HSD17B12: variants seen among roughly 807,000 people sequenced by gnomAD.
The protein encoded by HSD17B12 is hydroxysteroid 17-beta dehydrogenase 12.
A neutral mutation model predicts 39.3 loss-of-function variants in HSD17B12; 32 were observed. That is an observed-to-expected ratio of 0.81 (90% confidence interval 0.61 to 1.09). The LOEUF (loss-of-function observed/expected upper bound fraction) is 1.09, where lower values mean the gene tolerates loss of function less well. Ranked by LOEUF, HSD17B12 falls within the 50% of genes least tolerant of loss-of-function variation. The pLI is 0.00. For missense variants in HSD17B12, 342 were observed against 382.9 expected (o/e 0.89, Z 0.89); for synonymous variants, 150 against 146.7 (o/e 1.02, Z -0.16).
intron 9 of HSD17B12, among the ~76,000 whole-genome samples, chr11:43,849,334 T>G (rs1951509619): frequency 6.6e-6 from 1 of 151,964 alleles, no homozygotes; most frequent in African/African-American, 2.4e-5. Context: ...AAAAATCCAG[T>G]TACTTCACTG....
chr11:43,733,651 C>A, intron 1 of HSD17B12: 2 of 422,116 alleles, frequency 4.7e-6, no homozygotes, highest in Non-Finnish European at 9.0e-6. Flanking sequence ...CTGATCTAGC[C>A]CTTGGTAAAA....
At chr11:43,658,365 ATCT>A in the HSD17B12 span, among the ~76,000 whole-genome samples, 24 of 151,936 alleles carry the variant, frequency 1.6e-4, no homozygotes, top group Middle Eastern at 0.014. Flanking sequence ...GAGTAGTTCG[ATCT>A]TCTGAAGCCT....
At chr11:43,697,295 C>G (rs1170760085) in intron 1 of HSD17B12, among the ~76,000 whole-genome samples, 1 of 152,090 alleles carries the variant, frequency 6.6e-6, no homozygotes, top group African/African-American at 2.4e-5. Flanking sequence ...GGGCACTAAC[C>G]TGGTTCAGGG....
chr11:43,562,210 A>T, the HSD17B12 span, among the ~76,000 whole-genome samples: 1 of 152,250 alleles, frequency 6.6e-6, no homozygotes, highest in African/African-American at 2.4e-5. Flanking sequence ...ACAAAGGCAG[A>T]TATTAAAAAT....
At chr11:43,776,783 T>G (rs1479921969) in intron 3 of HSD17B12, among the ~76,000 whole-genome samples, 1 of 152,140 alleles carries the variant, frequency 6.6e-6, no homozygotes, top group Admixed American at 6.5e-5. Context: ...GATTTTTGTA[T>G]AAGGTGTAAG....
intron 1 of HSD17B12, among the ~76,000 whole-genome samples, chr11:43,696,055 C>T (rs890493070): frequency 1.3e-5 from 2 of 152,112 alleles, no homozygotes; most frequent in African/African-American, 4.8e-5. Context: ...TCCATGTTCT[C>T]ATCATCTATT....
chr11:43,694,327 T>C (rs1481017782), intron 1 of HSD17B12, among the ~76,000 whole-genome samples: 1 of 152,134 alleles, frequency 6.6e-6, no homozygotes, highest in Non-Finnish European at 1.5e-5. Flanking sequence ...CCAAAGCTGC[T>C]AAATAAGGGT....
intron 1 of HSD17B12, chr11:43,734,498 C>A: frequency 1.6e-6 from 1 of 618,968 alleles, no homozygotes. Context: ...CATTGCATAC[C>A]AGCTCTCGCT....
At chr11:43,668,404 A>T in the HSD17B12 span, among the ~76,000 whole-genome samples, 2 of 152,134 alleles carry the variant, frequency 1.3e-5, no homozygotes, top group African/African-American at 4.8e-5. Flanking sequence ...CTCCCCTGTG[A>T]TTGATTAGAT....
At chr11:43,617,714 A>G in the HSD17B12 span, among the ~76,000 whole-genome samples, 1 of 152,218 alleles carries the variant, frequency 6.6e-6, no homozygotes, top group South Asian at 2.1e-4. Context: ...TACAGCCGTG[A>G]ACAGGGTCAT....
chr11:43,576,723 G>A, the HSD17B12 span: 4 of 152,176 alleles, frequency 2.6e-5, no homozygotes, highest in Non-Finnish European at 5.9e-5. Flanking sequence ...CTTCTAAAGA[G>A]GATAGTGGGA....
chr11:43,590,420 C>A, the HSD17B12 span, among the ~76,000 whole-genome samples: 1 of 132,074 alleles, frequency 7.6e-6, no homozygotes, highest in African/African-American at 2.8e-5. Context: ...TCTTTAAGGC[C>A]CAGATTTTAA....
the HSD17B12 span, among the ~76,000 whole-genome samples, chr11:43,608,774 G>A: frequency 6.6e-6 from 1 of 152,120 alleles, no homozygotes; most frequent in South Asian, 2.1e-4. Context: ...TTATTCCTTA[G>A]ACTAAATTAT....
intron 1 of HSD17B12, among the ~76,000 whole-genome samples, chr11:43,682,533 G>A (rs1949757925): frequency 8.1e-6 from 1 of 123,666 alleles, no homozygotes; most frequent in African/African-American, 3.2e-5. Flanking sequence ...GTGACAGAGC[G>A]AGACTCATCT....
the HSD17B12 span, among the ~76,000 whole-genome samples, chr11:43,583,887 G>T: frequency 6.6e-6 from 1 of 152,074 alleles, no homozygotes; most frequent in African/African-American, 2.4e-5. Context: ...AGAAGTGTTC[G>T]GAAGGCAGCT....
At chr11:43,761,813 C>T (rs893576926) in intron 3 of HSD17B12, among the ~76,000 whole-genome samples, 2 of 152,198 alleles carry the variant, frequency 1.3e-5, no homozygotes, top group Non-Finnish European at 2.9e-5. Flanking sequence ...GAGAACCAGG[C>T]AGAGGCTTAT....
intron 1 of HSD17B12, among the ~76,000 whole-genome samples, chr11:43,690,384 ATATATATATATATATATATAT>A (rs1300495744): frequency 0.11 from 1,228 of 11,136 alleles, 155 homozygotes; most frequent in African/African-American, 0.32. Context: ...ATATATATAT[ATATATATATATATATATATAT>A]TTTTTTTTTT....
At chr11:43,710,941 C>T (rs375332755) in intron 1 of HSD17B12, among the ~76,000 whole-genome samples, 2 of 152,092 alleles carry the variant, frequency 1.3e-5, no homozygotes, top group Non-Finnish European at 2.9e-5. Flanking sequence ...CAGGTGCATG[C>T]GCCACCACGC....
intron 1 of HSD17B12, among the ~76,000 whole-genome samples, chr11:43,738,763 T>C (rs1244390530): frequency 6.6e-6 from 1 of 152,194 alleles, no homozygotes; most frequent in East Asian, 1.9e-4. Flanking sequence ...TCTTACAGAA[T>C]CCTGTGTGAT....
Sources: gnomAD v4.1 joint callset for allele counts (sites outside exome capture counted in the v4.1 genomes callset) on GRCh38, gnomAD v4.1.1 for gene constraint, MANE v1.5 for transcripts, NCBI Gene and HGNC (gene_info 2026-07-23, HGNC 2026-07-21) for gene names.